STXBP6: variants seen among roughly 807,000 people sequenced by gnomAD.
The protein encoded by STXBP6 is syntaxin-binding protein 6.
In STXBP6, 21 loss-of-function variants were observed where a neutral mutation model predicts 26.9. That is an observed-to-expected ratio of 0.78 (90% confidence interval 0.55 to 1.12). The LOEUF is 1.12. STXBP6 is among the 50% of genes most tolerant of loss of function. The pLI, the probability that STXBP6 is intolerant of heterozygous loss-of-function variation, is 0.00. For missense variants in STXBP6, 232 were observed against 257.9 expected (o/e 0.90, Z 0.69); for synonymous variants, 97 against 92.6 (o/e 1.05, Z -0.27).
intron 2 of STXBP6, among the ~76,000 whole-genome samples, chr14:24,870,633 C>G (rs888678300): frequency 6.6e-6 from 1 of 152,194 alleles, no homozygotes; most frequent in Admixed American, 6.5e-5. Context: ...ACAAGAAACT[C>G]TTCTTTCAGA....
chr14:24,885,446 C>T (rs1356544999), intron 2 of STXBP6, among the ~76,000 whole-genome samples: 1 of 152,200 alleles, frequency 6.6e-6, no homozygotes, highest in Non-Finnish European at 1.5e-5. Flanking sequence ...AGGAGAGCCA[C>T]CTCAGGACTC....
At chr14:25,000,177 C>G (rs2074720657) in intron 1 of STXBP6, among the ~76,000 whole-genome samples, 1 of 152,068 alleles carries the variant, frequency 6.6e-6, no homozygotes, top group African/African-American at 2.4e-5. Flanking sequence ...ATTCTCCTGC[C>G]TCAGCCTCAG....
chr14:24,941,392 T>C (rs1595155575), intron 2 of STXBP6, among the ~76,000 whole-genome samples: 2 of 152,184 alleles, frequency 1.3e-5, no homozygotes, highest in Non-Finnish European at 2.9e-5. Context: ...GAGCTGAGGA[T>C]GGAAGGATTC....
chr14:24,982,042 A>G (rs1334578279), intron 1 of STXBP6, among the ~76,000 whole-genome samples: 2 of 152,170 alleles, frequency 1.3e-5, no homozygotes, highest in Non-Finnish European at 2.9e-5. Flanking sequence ...AAACGTTAAT[A>G]TGATTATCTC....
At chr14:24,963,573 T>A (rs1432458948) in intron 2 of STXBP6, among the ~76,000 whole-genome samples, 1 of 152,166 alleles carries the variant, frequency 6.6e-6, no homozygotes, top group African/African-American at 2.4e-5. Flanking sequence ...AAGAATCCAG[T>A]TTCCATTTTT....
At chr14:24,889,734 A>G (rs2070726345) in intron 2 of STXBP6, among the ~76,000 whole-genome samples, 1 of 152,212 alleles carries the variant, frequency 6.6e-6, no homozygotes, top group South Asian at 2.1e-4. Flanking sequence ...GAAGACGGGA[A>G]AAAAGTAAAA....
chr14:24,907,947 C>CT (rs1455711265), intron 2 of STXBP6, among the ~76,000 whole-genome samples: 1 of 152,156 alleles, frequency 6.6e-6, no homozygotes, highest in East Asian at 1.9e-4. Context: ...TCAAACACCA[C>CT]TTCAAAGCTA....
In STXBP6 at chr14:24,883,067, C is replaced by T. The variant is rs998295792; in HGVS notation, c.155-25910G>A. ...TTGTATTTTCACATAATTAAATATG[C>T]AACAACTATAATGCTATAAAATATT... On this transcript the variant is annotated intron_variant, in intron 2 of 5. Transcript: ENST00000323944. 2.6e-4 allele frequency among the ~76,000 whole-genome samples: 39 copies of T among 152,046 alleles called. 1 individual carries two copies. Among genetic ancestry groups the T allele is most frequent in the Non-Finnish European group, 1.5e-5 (1 of 67,992 alleles).
chr14:24,846,828 A>G (rs2068980096), intron 4 of STXBP6, among the ~76,000 whole-genome samples: 1 of 152,136 alleles, frequency 6.6e-6, no homozygotes, highest in South Asian at 2.1e-4. Flanking sequence ...CCTATGCTAA[A>G]TCTTATTATT....
chr14:24,918,452 C>CCA (rs55810129), intron 2 of STXBP6, among the ~76,000 whole-genome samples: 14,247 of 133,186 alleles, frequency 0.11, 869 homozygotes, highest in Admixed American at 0.18. Flanking sequence ...CACACCCCCA[C>CCA]CACACACACA....
At chr14:24,990,659 CA>C (rs1211659589) in intron 1 of STXBP6, among the ~76,000 whole-genome samples, 485 of 57,330 alleles carry the variant, frequency 8.5e-3, no homozygotes, top group Middle Eastern at 0.015. Context: ...AACTCCATCT[CA>C]AAAAAAAAAA....
intron 2 of STXBP6, among the ~76,000 whole-genome samples, chr14:24,958,263 A>ACTG (rs146428525): frequency 0.016 from 2,470 of 152,294 alleles, 60 homozygotes; most frequent in African/African-American, 0.051. Context: ...AACACCAAGC[A>ACTG]CTGTATCCTC....
At chr14:24,989,619 G>A (rs1430727315) in intron 1 of STXBP6, among the ~76,000 whole-genome samples, 1 of 152,212 alleles carries the variant, frequency 6.6e-6, no homozygotes, top group Non-Finnish European at 1.5e-5. Flanking sequence ...TTTGTGGGGA[G>A]GGGGATGGCA....
chr14:24,825,070 T>C (rs996433447), intron 4 of STXBP6, among the ~76,000 whole-genome samples: 2 of 152,166 alleles, frequency 1.3e-5, no homozygotes, highest in Non-Finnish European at 2.9e-5. Context: ...TTGCAGAACT[T>C]TGGAAAATCT....
intron 1 of STXBP6, among the ~76,000 whole-genome samples, chr14:24,989,832 G>A (rs1340578930): frequency 6.6e-6 from 1 of 152,200 alleles, no homozygotes; most frequent in African/African-American, 2.4e-5. Context: ...GACAGACTGG[G>A]AGGTGTAGCC....
chr14:24,848,026 A>G (rs1482198497), intron 4 of STXBP6, among the ~76,000 whole-genome samples: 2 of 152,136 alleles, frequency 1.3e-5, no homozygotes, highest in Admixed American at 1.3e-4. Context: ...TTTCCCCCCA[A>G]TTCTTATGGC....
intron 1 of STXBP6, chr14:25,048,830 A>T (rs1436373272): frequency 2.0e-5 from 3 of 152,268 alleles, no homozygotes; most frequent in African/African-American, 7.2e-5. Flanking sequence ...AAAAAAGTGG[A>T]GCCAGGAAAA....
chr14:24,826,354 G>T (rs1428857747), intron 4 of STXBP6, among the ~76,000 whole-genome samples: 1 of 152,052 alleles, frequency 6.6e-6, no homozygotes, highest in African/African-American at 2.4e-5. Flanking sequence ...GCGCAAGTGG[G>T]GCATTTACAA....
intron 4 of STXBP6, among the ~76,000 whole-genome samples, chr14:24,843,724 C>A (rs541600848): frequency 6.6e-6 from 1 of 152,244 alleles, no homozygotes; most frequent in South Asian, 2.1e-4. Flanking sequence ...TATTGAAAGC[C>A]TTTATCTTTT....
Sources: allele counts gnomAD v4.1 joint callset (sites outside exome capture counted in the v4.1 genomes callset), GRCh38; gene constraint gnomAD v4.1.1; transcripts MANE v1.5; gene names NCBI Gene and HGNC (gene_info 2026-07-23, HGNC 2026-07-21).